NCKAP1: variants seen among roughly 807,000 people sequenced by gnomAD.
NCKAP1 encodes NCK associated protein 1, also known as nck-associated protein 1.
A neutral mutation model predicts 151.2 loss-of-function variants in NCKAP1; 21 were observed. The ratio of observed to expected loss-of-function variants is 0.14; its 90% CI spans 0.10 to 0.20. The LOEUF is 0.20. Ranked by LOEUF, NCKAP1 falls within the 10% of genes least tolerant of loss-of-function variation. The probability of loss-of-function intolerance (pLI) is 1.00; values close to 1 mark genes in which losing one functional copy is unlikely to be tolerated. For missense variants in NCKAP1, 933 were observed against 1,352.1 expected (o/e 0.69, Z 4.86); for synonymous variants, 484 against 451.8 (o/e 1.07, Z -0.90).
At chr2:182,930,941 C>G (rs1474120033) in intron 26 of NCKAP1, among the ~76,000 whole-genome samples, 153 bp from the exon 27 acceptor site, 1 of 152,094 alleles carries the variant, frequency 6.6e-6, no homozygotes, top group Non-Finnish European at 1.5e-5. Context: ...TACTGAACAA[C>G]TGATTCAATG....
At chr2:182,928,686 C>CACTGCCAGTTAGTGGCA in intron 28 of NCKAP1, 97 bp downstream of exon 28, 1 of 749,674 alleles carries the variant, frequency 1.3e-6, no homozygotes, top group Non-Finnish European at 2.1e-6. Context: ...CCCCATGTTC[C>CACTGCCAGTTAGTGGCA]ACTGCCAGTT....
At chr2:183,030,833 G>T (rs574441578) in intron 1 of NCKAP1, among the ~76,000 whole-genome samples, 2 of 152,168 alleles carry the variant, frequency 1.3e-5, no homozygotes, top group South Asian at 2.1e-4. Flanking sequence ...TTGTCCATAA[G>T]TACTGGAAAA....
intron 23 of NCKAP1, chr2:182,947,033 C>T (rs1697122536): frequency 6.6e-6 from 1 of 152,216 alleles, no homozygotes; most frequent in Admixed American, 6.5e-5. Context: ...CTACCTCCAC[C>T]CTGCACTAAT....
intron 27 of NCKAP1, among the ~76,000 whole-genome samples, chr2:182,929,176 G>T (rs1325872775): frequency 6.6e-6 from 1 of 151,418 alleles, no homozygotes; most frequent in Non-Finnish European, 1.5e-5. Flanking sequence ...TTTTTTAATT[G>T]TAAGATTATA....
intron 18 of NCKAP1, among the ~76,000 whole-genome samples, chr2:182,958,354 G>T (rs1004107436): frequency 6.6e-6 from 1 of 152,086 alleles, no homozygotes; most frequent in Non-Finnish European, 1.5e-5. Flanking sequence ...ATGTTGGCCA[G>T]GCTGGTCTCG....
At chr2:183,021,722 T>A (rs929887794) in intron 2 of NCKAP1, among the ~76,000 whole-genome samples, 3 of 152,188 alleles carry the variant, frequency 2.0e-5, no homozygotes, top group Non-Finnish European at 2.9e-5. Context: ...TTATTCCTGA[T>A]GAAATCTTCA....
At chr2:183,036,794 A>C (rs1045512196) in intron 1 of NCKAP1, among the ~76,000 whole-genome samples, 4 of 151,140 alleles carry the variant, frequency 2.6e-5, no homozygotes, top group Admixed American at 6.6e-5. Context: ...TTTTACACTC[A>C]AACGCTTGGA....
intron 18 of NCKAP1, among the ~76,000 whole-genome samples, chr2:182,959,008 T>C (rs1186857440): frequency 2.0e-5 from 3 of 152,210 alleles, no homozygotes; most frequent in Non-Finnish European, 4.4e-5. Context: ...GTTTTTAAAA[T>C]TAGCTTTACC....
chr2:183,035,232 A>C (rs1305023101), intron 1 of NCKAP1, among the ~76,000 whole-genome samples: 2 of 152,080 alleles, frequency 1.3e-5, no homozygotes, highest in African/African-American at 2.4e-5. Flanking sequence ...GTTCCCTAAA[A>C]TTCCCATAAA....
At chr2:182,947,778 T>C (rs1312515749) in intron 23 of NCKAP1, among the ~76,000 whole-genome samples, 1 of 152,166 alleles carries the variant, frequency 6.6e-6, no homozygotes, top group East Asian at 1.9e-4. Flanking sequence ...ACTGACAGAA[T>C]AACTTTTAGA....
intron 1 of NCKAP1, among the ~76,000 whole-genome samples, chr2:183,029,080 G>A (rs1698955951): frequency 6.6e-6 from 1 of 152,000 alleles, no homozygotes; most frequent in African/African-American, 2.4e-5. Flanking sequence ...TCGCGCCACT[G>A]CACTCCAGCC....
At chr2:183,029,489 TC>T (rs1414660403) in intron 1 of NCKAP1, among the ~76,000 whole-genome samples, 1 of 151,224 alleles carries the variant, frequency 6.6e-6, no homozygotes, top group Non-Finnish European at 1.5e-5. Flanking sequence ...TTTTTAAAAT[TC>T]CTCTATCTAT....
At chr2:183,000,967 T>C (rs1698363322) in intron 6 of NCKAP1, among the ~76,000 whole-genome samples, 1 of 152,130 alleles carries the variant, frequency 6.6e-6, no homozygotes, top group Non-Finnish European at 1.5e-5. Context: ...TGGTAGTGCA[T>C]GCCTGTAATC....
intron 16 of NCKAP1, among the ~76,000 whole-genome samples, chr2:182,965,206 T>C (rs1480556653): frequency 1.3e-5 from 2 of 151,780 alleles, no homozygotes; most frequent in East Asian, 3.9e-4. Context: ...GCCTGGGCAA[T>C]GTGGTGAAAC....
Position 182,957,510 on chromosome 2 carries a change from T to A in NCKAP1, c.1968A>T (p.Glu656Asp). The A allele has an allele frequency of 6.2e-7, 1 of 1,614,070 alleles. No individual in the cohort carries two copies. Among genetic ancestry groups the A allele is most frequent in the Non-Finnish European group, 8.5e-7 (1 of 1,179,966 alleles). The stretch of plus-strand genomic sequence containing the variant: ...TGCTCTCAACACCTGGTTTCTCCCT[T>A]TCAGGTTCCCCTTTCTTACCAGTCT... ...KKQTGKKGEP[E>D]REKPGVESMR... Residue 656 changes from glutamate to aspartate, a missense_variant, in exon 19 of 31, where the codon GAA becomes GAT. Glu to Asp is a conservative substitution (Grantham distance 45, BLOSUM62 2). Transcript: ENST00000361354.
At chr2:183,013,634 T>C (rs947112562) in intron 2 of NCKAP1, among the ~76,000 whole-genome samples, 5 of 152,186 alleles carry the variant, frequency 3.3e-5, no homozygotes, top group African/African-American at 1.2e-4. Flanking sequence ...GACTATTCTC[T>C]ACCGAGTAGC....
In NCKAP1 at chr2:182,950,775, G is replaced by A. The variant is rs904769026; in HGVS notation, c.2601+1630C>T. On this transcript the variant is annotated intron_variant, in intron 23 of 30. Coordinates refer to ENST00000361354, the MANE Select transcript of NCKAP1 (RefSeq NM_013436.5). ...AAAGTACAAGCTTAAACATTTGTCC[G>A]AAATCAAAGCTTGTAAGTGACAGGT... is the stretch of plus-strand genomic sequence containing the variant. Among the ~76,000 whole-genome samples, 6 of 152,244 alleles carry A rather than the reference G, an allele frequency of 3.9e-5. No individual in the cohort carries two copies. The South Asian group carries it at 6.2e-4, about 16-fold the overall frequency.
intron 2 of NCKAP1, 36 bp downstream of exon 2, chr2:183,023,770 T>C: frequency 1.3e-6 from 2 of 1,522,908 alleles, no homozygotes; most frequent in Non-Finnish European, 1.8e-6. Flanking sequence ...TAAAAGATGC[T>C]TAAAATTAAG....
Position 182,978,912 on chromosome 2 carries a change from G to A in NCKAP1, c.1345C>T (p.Leu449Phe), listed in dbSNP as rs1274527439. Reference protein sequence around the residue: ...AVVLNELVQNLSVCPEDESII... With the variant: ...AVVLNELVQNFSVCPEDESII... ...GATTCATCTTCAGGGCAAACAGAAA[G>A]ATTCTGAAAAACAAACAAAAAGTAA... The change falls in exon 14 of 31, where the codon CTT becomes TTT. Residue 449 changes from leucine (L) to phenylalanine (F), a missense_variant. Physicochemically the swap from Leu to Phe is conservative, Grantham distance 22. Around this residue, in one of 2 missense-constraint regions of NCKAP1, gnomAD observed 607 missense variants for 795.0 expected, o/e 0.76. Coordinates refer to ENST00000361354, the MANE Select transcript of NCKAP1 (RefSeq NM_013436.5). The A allele has an allele frequency of 1.2e-6, 2 of 1,605,386 alleles. No individual in the cohort carries two copies. Among genetic ancestry groups the A allele is most frequent in the East Asian group, 2.2e-5 (1 of 44,534 alleles).
Sources: allele counts gnomAD v4.1 joint callset (sites outside exome capture counted in the v4.1 genomes callset), GRCh38; gene constraint gnomAD v4.1.1; regional missense constraint gnomAD v4.1.1; transcripts MANE v1.5; gene names NCBI Gene and HGNC (gene_info 2026-07-23, HGNC 2026-07-21).